The following USP45 variants were observed in gnomAD, a reference collection of about 807,000 sequenced individuals.
The protein encoded by USP45 is ubiquitin specific peptidase 45.
In USP45, 89 loss-of-function variants were observed where a neutral mutation model predicts 95.8. The observed-to-expected ratio is 0.93, with a 90% CI of 0.78 to 1.11. The LOEUF (loss-of-function observed/expected upper bound fraction) is 1.11, where lower values mean the gene tolerates loss of function less well. Ranked by LOEUF, USP45 falls within the 50% of genes least tolerant of loss-of-function variation. The probability of loss-of-function intolerance (pLI) is 0.00; values close to 1 mark genes in which losing one functional copy is unlikely to be tolerated. For missense variants in USP45, 898 were observed against 942.5 expected, an observed-to-expected ratio of 0.95 and a Z score of 0.62; for synonymous variants, 281 against 316.2, an observed-to-expected ratio of 0.89 and a Z score of 1.18.
At position 99,476,223 on chromosome 6, in the gene USP45, G is replaced by A. The variant is rs200870282; in HGVS notation, c.853C>T (p.Arg285Ter). ...LFNQLCQKAP[R>*]FKDFQQQDSQ... The stretch of plus-strand genomic sequence containing the variant: ...TCCTGTTGCTGGAAATCTTTAAATC[G>A]AGGTGCCCTGTGATTTAAAAACAAA... Residue 285 changes from arginine to a stop codon, truncating the protein, a stop_gained, in exon 9 of 18, where the codon CGA becomes TGA. Transcript: ENST00000500704. LOFTEE classifies it high-confidence loss of function. 1.9e-5 allele frequency: 30 copies of A among 1,613,702 alleles called. No individual in the cohort carries two copies. Among genetic ancestry groups the A allele is most frequent in the Admixed American group, 6.7e-5 (4 of 59,990 alleles).
intron 5 of USP45, among the ~76,000 whole-genome samples, chr6:99,502,634 G>A (rs1797633632): frequency 6.6e-6 from 1 of 152,184 alleles, no homozygotes; most frequent in Non-Finnish European, 1.5e-5. Flanking sequence ...GATATGGTTT[G>A]GATCTGTGTC....
intron 13 of USP45, among the ~76,000 whole-genome samples, chr6:99,452,344 C>A (rs1227756610): frequency 6.6e-6 from 1 of 151,792 alleles, no homozygotes; most frequent in African/African-American, 2.4e-5. Context: ...AAAAAAACAA[C>A]CCCATCAAAA....
At chr6:99,477,803 T>C (rs1298589275) in intron 8 of USP45, among the ~76,000 whole-genome samples, 1 of 152,174 alleles carries the variant, frequency 6.6e-6, no homozygotes, top group Admixed American at 6.5e-5. Flanking sequence ...CTTTATTACC[T>C]TGATGGGCTT....
intron 13 of USP45, among the ~76,000 whole-genome samples, chr6:99,451,205 A>T (rs1175732229): frequency 6.6e-6 from 1 of 152,182 alleles, no homozygotes; most frequent in Non-Finnish European, 1.5e-5. Flanking sequence ...AGGAGAAATA[A>T]ATAAAGGGTA....
At position 99,452,311 on chromosome 6, in the gene USP45, A is replaced by C. The variant is rs1784061985; in HGVS notation, c.1309-5848T>G. Among the ~76,000 whole-genome samples the C allele has an allele frequency of 2.0e-5, 3 of 152,220 alleles. 1 individual carries two copies. The highest frequency in any genetic ancestry group is 2.0e-4 in the Admixed American group (3 of 15,286). On this transcript the variant is annotated intron_variant, in intron 13 of 17. Coordinates refer to ENST00000500704, the MANE Select transcript of USP45 (RefSeq NM_001346022.3). ...AAAGGGCAAATATCCAGAATCTACA[A>C]AGAACTCAAACAAATTTACAAGAAA...
upstream of USP45, among the ~76,000 whole-genome samples, chr6:99,517,316 C>T (rs893950435): frequency 6.6e-6 from 1 of 152,084 alleles, no homozygotes; most frequent in African/African-American, 2.4e-5. Context: ...CATGTATTTT[C>T]CAAATAATGC....
chr6:99,475,490 AT>A (rs1235914349), intron 9 of USP45, among the ~76,000 whole-genome samples: 3 of 151,646 alleles, frequency 2.0e-5, no homozygotes, highest in African/African-American at 7.3e-5. Context: ...TAATTTTTGT[AT>A]TTTTAGTAGA....
Position 99,464,535 on chromosome 6 carries a change from A to G in USP45, c.1308+69T>C. The G allele has an allele frequency of 2.6e-6, 4 of 1,515,128 alleles. No homozygotes were observed. The South Asian group carries it at 5.2e-5, about 20-fold the overall frequency. 93.9% of individuals were successfully genotyped at this position (1,515,128 alleles called of 1,614,324 possible). A position where few individuals can be genotyped will look rare whatever the true frequency, so the allele number is the denominator to read the frequency against. On this transcript the variant is annotated intron_variant, in intron 13 of 17. Coordinates refer to ENST00000500704, the MANE Select transcript of USP45 (RefSeq NM_001346022.3). ...TTATTACACTATGTTCTCTACTTTT[A>G]GATGTGCTTGAAACTTTTGTTAATA...
intron 13 of USP45, among the ~76,000 whole-genome samples, chr6:99,454,251 T>A (rs1784521213): frequency 6.6e-6 from 1 of 152,186 alleles, no homozygotes; most frequent in East Asian, 1.9e-4. Flanking sequence ...GAAAACTGGT[T>A]ATCCATATGC....
chr6:99,473,305 C>T (rs761665387), intron 9 of USP45, among the ~76,000 whole-genome samples: 7 of 151,664 alleles, frequency 4.6e-5, no homozygotes, highest in African/African-American at 1.5e-4. Flanking sequence ...TTTGGGAGGC[C>T]GAGGCAGGCA....
chr6:99,435,934 ACT>A (rs1406501044), intron 17 of USP45, 88 bp from the exon 18 acceptor site: 64 of 1,322,948 alleles, frequency 4.8e-5, no homozygotes, highest in Non-Finnish European at 6.4e-5. Flanking sequence ...TTCATTACAA[ACT>A]CTATCTAATG....
intron 11 of USP45, among the ~76,000 whole-genome samples, chr6:99,465,618 AAAT>A (rs1001958367): frequency 2.8e-4 from 43 of 152,326 alleles, no homozygotes; most frequent in Admixed American, 5.2e-4. Flanking sequence ...CTAGAAACTT[AAAT>A]AATCATGGTC....
intron 1 of USP45, among the ~76,000 whole-genome samples, chr6:99,512,977 C>A (rs1800238332): frequency 6.6e-6 from 1 of 152,200 alleles, no homozygotes; most frequent in South Asian, 2.1e-4. Context: ...TCAACAAGTC[C>A]TTCCATGACC....
chr6:99,479,005 G>GCAA (rs1164272166), intron 8 of USP45, among the ~76,000 whole-genome samples: 5 of 143,522 alleles, frequency 3.5e-5, no homozygotes, highest in African/African-American at 1.3e-4. Flanking sequence ...CTAATCTATT[G>GCAA]CAACAACAAA....
At chr6:99,511,886 T>TATAC (rs1554258042) in intron 1 of USP45, among the ~76,000 whole-genome samples, 12 of 142,508 alleles carry the variant, frequency 8.4e-5, no homozygotes, top group Non-Finnish European at 1.7e-4. Context: ...TATATATATA[T>TATAC]ACACATAGTT....
chr6:99,454,259 T>G (rs1784522710), intron 13 of USP45, among the ~76,000 whole-genome samples: 1 of 152,196 alleles, frequency 6.6e-6, no homozygotes, highest in Admixed American at 6.5e-5. Context: ...GTTATCCATA[T>G]GCAGAAGAAT....
At chr6:99,458,426 G>A (rs1440057156) in intron 13 of USP45, among the ~76,000 whole-genome samples, 2 of 152,204 alleles carry the variant, frequency 1.3e-5, no homozygotes, top group African/African-American at 4.8e-5. Flanking sequence ...ATAGTGGCAA[G>A]AAGGACAGAC....
intron 4 of USP45, among the ~76,000 whole-genome samples, chr6:99,505,640 CAA>C (rs11303051): frequency 3.6e-3 from 309 of 85,300 alleles, no homozygotes; most frequent in African/African-American, 0.01. Context: ...GATTCCATCT[CAA>C]AAAAAAAAAA....
chr6:99,460,413 G>A (rs1440394142), intron 13 of USP45, among the ~76,000 whole-genome samples: 1 of 152,072 alleles, frequency 6.6e-6, no homozygotes, highest in African/African-American at 2.4e-5. Flanking sequence ...AGTAAATTGA[G>A]CCAACACCAC....
Sources: gnomAD v4.1 joint callset for allele counts (sites outside exome capture counted in the v4.1 genomes callset) on GRCh38, gnomAD v4.1.1 for gene constraint, MANE v1.5 for transcripts, NCBI Gene and HGNC (gene_info 2026-07-23, HGNC 2026-07-21) for gene names.